The following PVT1 variants were observed in gnomAD, a reference collection of about 807,000 sequenced individuals.
PVT1 encodes Pvt1 oncogene, also known as CXCR4/PVT1 fusion.
chr8:127,955,246 C>A (rs1304353132), intron 3 of PVT1, among the ~76,000 whole-genome samples: 2 of 152,194 alleles, frequency 1.3e-5, no homozygotes. Flanking sequence ...GAAAAGACAG[C>A]CATCTGCAAG....
rs563668800 is a variant in PVT1, at chr8:128,031,415, A to G, written n.913-38745A>G. 5.9e-5 allele frequency among the ~76,000 whole-genome samples: 9 copies of G among 152,300 alleles called. 1 individual carries two copies. In the South Asian group the frequency reaches 1.7e-3, roughly 28 times the overall value. On this transcript the variant is annotated intron_variant and non_coding_transcript_variant, in intron 4 of 10. Coordinates refer to ENST00000651587, the Ensembl canonical transcript of PVT1. The stretch of plus-strand genomic sequence containing the variant: ...ATCAGCCTGTTTCCTGATCATAGGT[A>G]TGGGGTGTAGGGAGGCACGGGGAGC...
chr8:127,877,613 C>A (rs1815420212), intron 2 of PVT1, among the ~76,000 whole-genome samples: 1 of 152,100 alleles, frequency 6.6e-6, no homozygotes, highest in Non-Finnish European at 1.5e-5. Context: ...TTGACTTAGT[C>A]CTTAAACGGA....
At chr8:128,012,839 C>A (rs1341909591) in intron 4 of PVT1, among the ~76,000 whole-genome samples, 1 of 152,136 alleles carries the variant, frequency 6.6e-6, no homozygotes, top group Non-Finnish European at 1.5e-5. Flanking sequence ...CCCACTCCCA[C>A]CGTACTCCAG....
intron 2 of PVT1, among the ~76,000 whole-genome samples, chr8:127,853,053 C>G (rs1042843257): frequency 1.3e-5 from 2 of 152,186 alleles, no homozygotes; most frequent in Admixed American, 1.3e-4. Flanking sequence ...ATAAGTTTAT[C>G]GAGCATCTCC....
intron 2 of PVT1, among the ~76,000 whole-genome samples, chr8:127,837,481 CT>C (rs1164546502): frequency 4.0e-5 from 6 of 150,916 alleles, no homozygotes; most frequent in African/African-American, 1.5e-4. Context: ...GGAAAATGTA[CT>C]TTTGAAAAAT....
intron 2 of PVT1, among the ~76,000 whole-genome samples, chr8:127,873,696 G>C (rs1215871658): frequency 6.6e-6 from 1 of 152,188 alleles, no homozygotes; most frequent in Non-Finnish European, 1.5e-5. Flanking sequence ...TGGAGGCAGG[G>C]TGCAAATGTG....
intron 3 of PVT1, among the ~76,000 whole-genome samples, chr8:127,900,815 T>G (rs1399369411): frequency 6.6e-6 from 1 of 152,188 alleles, no homozygotes; most frequent in East Asian, 1.9e-4. Context: ...GTTGGCACTA[T>G]TTCCTAGGTT....
chr8:127,922,357 C>T (rs575091234), intron 3 of PVT1, among the ~76,000 whole-genome samples: 9 of 145,798 alleles, frequency 6.2e-5, no homozygotes, highest in South Asian at 2.2e-4. Flanking sequence ...GCTAGGAATC[C>T]GAAGTAGGTG....
chr8:127,961,426 A>G (rs1816641122), intron 3 of PVT1, among the ~76,000 whole-genome samples: 1 of 152,184 alleles, frequency 6.6e-6, no homozygotes. Context: ...TTCTGTGTCC[A>G]GCTTAGGCCA....
At position 127,921,854 on chromosome 8, in the gene PVT1, G is replaced by GTTTTTTT. The variant is rs71300279; in HGVS notation, n.782+30874_782+30880dup. ...AAAAAAATTATAATTTTTGGTTCAT[G>GTTTTTTT]TTTTTTTTTTTTTTTTTTTTTTTTG... is the stretch of plus-strand genomic sequence containing the variant. On this transcript the variant is annotated intron_variant and non_coding_transcript_variant, in intron 3 of 10. Transcript: ENST00000651587. 2.3e-3 allele frequency among the ~76,000 whole-genome samples: 164 copies of GTTTTTTT among 71,922 alleles called. 8 individuals are homozygous for GTTTTTTT. The highest frequency in any genetic ancestry group is 3.0e-3 in the Non-Finnish European group (130 of 43,626). 47.2% of individuals were successfully genotyped at this position (71,922 alleles called of 152,430 possible).
intron 2 of PVT1, among the ~76,000 whole-genome samples, chr8:127,866,235 G>A (rs955465593): frequency 1.3e-5 from 2 of 152,306 alleles, no homozygotes; most frequent in African/African-American, 2.4e-5. Flanking sequence ...TCTGGGCCCA[G>A]CACCCTCATG....
chr8:128,031,479 C>G lies in PVT1; in HGVS notation n.913-38681C>G, dbSNP rs902055234. 2.0e-5 allele frequency among the ~76,000 whole-genome samples: 3 copies of G among 152,006 alleles called. No homozygotes were observed. In the East Asian group the frequency reaches 5.8e-4, roughly 29 times the overall value. Reference sequence around the variant, plus strand: ...GTGATTGCCTGCACGTTGCCAGGGCCCCTGGTATTGCGTACAAAGCATTAA... The same window carrying G: ...GTGATTGCCTGCACGTTGCCAGGGCGCCTGGTATTGCGTACAAAGCATTAA... On this transcript the variant is annotated intron_variant and non_coding_transcript_variant, in intron 4 of 10. Transcript: ENST00000651587.
At chr8:127,866,769 A>G (rs1406660186) in intron 2 of PVT1, among the ~76,000 whole-genome samples, 1 of 152,152 alleles carries the variant, frequency 6.6e-6, no homozygotes, top group East Asian at 1.9e-4. Flanking sequence ...TTGTCTGTGC[A>G]TTCATATTAG....
chr8:128,023,949 T>A (rs1563668453), intron 4 of PVT1, among the ~76,000 whole-genome samples: 1 of 152,206 alleles, frequency 6.6e-6, no homozygotes, highest in Non-Finnish European at 1.5e-5. Flanking sequence ...AGGCACTTCT[T>A]ATCTATTCTG....
chr8:127,889,442 C>T (rs1235420483), intron 2 of PVT1, among the ~76,000 whole-genome samples: 1 of 146,288 alleles, frequency 6.8e-6, no homozygotes, highest in Non-Finnish European at 1.5e-5. Flanking sequence ...AAACCCTTTT[C>T]CTGTGATTTT....
chr8:128,006,634 G>A (rs1233559523), intron 4 of PVT1, among the ~76,000 whole-genome samples: 2 of 152,150 alleles, frequency 1.3e-5, no homozygotes, highest in South Asian at 2.1e-4. Context: ...ACTACAGTGT[G>A]TGCCAAACAG....
chr8:127,909,844 G>A (rs571309696), intron 3 of PVT1, among the ~76,000 whole-genome samples: 1 of 152,090 alleles, frequency 6.6e-6, no homozygotes, highest in African/African-American at 2.4e-5. Flanking sequence ...GCCAACTGGA[G>A]TGGAGGGTTG....
At chr8:127,986,869 T>G (rs1471377573) in intron 3 of PVT1, among the ~76,000 whole-genome samples, 1 of 152,232 alleles carries the variant, frequency 6.6e-6, no homozygotes. Flanking sequence ...TCAGTTTGGC[T>G]GCCTTGGAAA....
intron 2 of PVT1, among the ~76,000 whole-genome samples, chr8:127,856,741 C>T (rs1262863279): frequency 6.6e-6 from 1 of 152,158 alleles, no homozygotes; most frequent in African/African-American, 2.4e-5. Context: ...TTGTCATTAT[C>T]CCCATTCAAT....
Sources: allele counts gnomAD v4.1 joint callset (sites outside exome capture counted in the v4.1 genomes callset), GRCh38; gene constraint gnomAD v4.1.1; transcripts MANE v1.5; gene names NCBI Gene and HGNC (gene_info 2026-07-23, HGNC 2026-07-21).